Variants in TNFRSF21 observed in about 807,000 individuals in gnomAD.
TNFRSF21 encodes the protein tumor necrosis factor receptor superfamily member 21.
Under a neutral mutation model 45.6 loss-of-function variants are expected in TNFRSF21, and 19 were observed. That is an observed-to-expected ratio of 0.42 (90% CI 0.29 to 0.61). The LOEUF (loss-of-function observed/expected upper bound fraction) is 0.61. TNFRSF21 is among the 20% of genes least tolerant of loss of function. The pLI, the probability that TNFRSF21 is intolerant of heterozygous loss-of-function variation, is 0.23. For synonymous variants in TNFRSF21, 314 were observed against 335.5 expected (o/e 0.94, Z 0.70); for missense variants, 737 against 851.5 (o/e 0.87, Z 1.67).
At position 47,284,299 on chromosome 6, in the gene TNFRSF21, G is replaced by T. The variant is rs781226199; in HGVS notation, c.882C>A (p.Asn294Lys). Residue 294 changes from asparagine (N) to lysine (K), a missense_variant, in exon 3 of 6, where the codon AAC (asparagine) becomes AAA (lysine). Coordinates refer to ENST00000296861, the MANE Select transcript of TNFRSF21 (RefSeq NM_014452.5). ...GKEDVNKTLP[N>K]LQVVNHQQGP... ...CTTGCTGGTGGTTGACTACCTGAAG[G>T]TTTGGGAGGGTCTTGTTCACGTCTT... 1.9e-6 allele frequency: 3 copies of T among 1,608,610 alleles called. No homozygotes were observed. Among genetic ancestry groups the T allele is most frequent in the Non-Finnish European group, 2.5e-6 (3 of 1,177,558 alleles).
At chr6:47,258,226 G>A (rs993764670) in intron 3 of TNFRSF21, among the ~76,000 whole-genome samples, 3 of 151,698 alleles carry the variant, frequency 2.0e-5, no homozygotes, top group African/African-American at 4.8e-5. Context: ...AAAAATTAGC[G>A]AGGCGTGGTG....
At chr6:47,291,867 G>A (rs752323788) in intron 1 of TNFRSF21, among the ~76,000 whole-genome samples, 5 of 152,142 alleles carry the variant, frequency 3.3e-5, no homozygotes, top group East Asian at 1.9e-4. Context: ...GGCCTCTTTC[G>A]CCTGAGTGAA....
intron 4 of TNFRSF21, among the ~76,000 whole-genome samples, chr6:47,246,143 T>C (rs1044640051): frequency 6.6e-6 from 1 of 152,286 alleles, no homozygotes; most frequent in African/African-American, 2.4e-5. Flanking sequence ...CCACCTATAC[T>C]TCTCAGGACC....
intron 4 of TNFRSF21, among the ~76,000 whole-genome samples, chr6:47,239,394 G>GAC (rs1764714332): frequency 6.6e-6 from 1 of 151,436 alleles, no homozygotes; most frequent in Non-Finnish European, 1.5e-5. Context: ...TTCCTGAGAT[G>GAC]ACACACTGGT....
intron 4 of TNFRSF21, among the ~76,000 whole-genome samples, chr6:47,248,771 C>A (rs1274181661): frequency 1.3e-5 from 2 of 152,190 alleles, no homozygotes; most frequent in Non-Finnish European, 2.9e-5. Flanking sequence ...CACTAAGTGA[C>A]CCTCAGTATT....
chr6:47,239,060 C>G (rs545430794), intron 4 of TNFRSF21, among the ~76,000 whole-genome samples: 1 of 152,190 alleles, frequency 6.6e-6, no homozygotes, highest in East Asian at 1.9e-4. Flanking sequence ...GCCAAATGGG[C>G]AGATCACTGT....
At chr6:47,270,085 T>C (rs893508376) in intron 3 of TNFRSF21, among the ~76,000 whole-genome samples, 12 of 152,078 alleles carry the variant, frequency 7.9e-5, no homozygotes, top group African/African-American at 2.9e-4. Context: ...CTTAAGAAAG[T>C]TTTTACTGGG....
At chr6:47,288,240 A>G (rs1762675647) in intron 1 of TNFRSF21, among the ~76,000 whole-genome samples, 1 of 152,286 alleles carries the variant, frequency 6.6e-6, no homozygotes, top group Non-Finnish European at 1.5e-5. Flanking sequence ...AGCTCCACAT[A>G]GTAACATGGA....
At chr6:47,277,080 G>A (rs1414300554) in intron 3 of TNFRSF21, among the ~76,000 whole-genome samples, 1 of 152,140 alleles carries the variant, frequency 6.6e-6, no homozygotes, top group East Asian at 1.9e-4. Context: ...TGCAACCTCT[G>A]CCTCCTGAGT....
rs1374246628 is a variant in TNFRSF21 at position 47,253,516 on chromosome 6, C to T, written c.1249G>A (p.Asp417Asn). The T allele has an allele frequency of 3.7e-6, 6 of 1,611,356 alleles. No individual in the cohort carries two copies. The highest frequency in any genetic ancestry group is 1.6e-4 in the Middle Eastern group (1 of 6,082). ...TGGGCTGCTACAAGCTTCAGGATAT[C>T]GATACCTACACCAGAGAAAAAATAA... ...WIYYCNGHGIDILKLVAAQVG... is the reference protein window; with the variant it reads ...WIYYCNGHGINILKLVAAQVG... The change falls in exon 4 of 6, where the codon GAT (aspartate) becomes AAT (asparagine). Residue 417 changes from aspartate (D) to asparagine (N), a missense_variant. By Grantham distance (23) the Asp-to-Asn change is conservative. Transcript: ENST00000296861.
intron 4 of TNFRSF21, among the ~76,000 whole-genome samples, chr6:47,242,583 T>G (rs1764761208): frequency 6.6e-6 from 1 of 152,160 alleles, no homozygotes; most frequent in African/African-American, 2.4e-5. Flanking sequence ...TGCACAAAGC[T>G]GCCAAAGCTG....
chr6:47,306,946 G>GTTA (rs1561955158), intron 1 of TNFRSF21, among the ~76,000 whole-genome samples: 2 of 152,136 alleles, frequency 1.3e-5, no homozygotes, highest in Non-Finnish European at 2.9e-5. Flanking sequence ...CCTGATGTCC[G>GTTA]TTATGTTCAC....
At chr6:47,268,028 G>A (rs1389201305) in intron 3 of TNFRSF21, among the ~76,000 whole-genome samples, 1 of 152,186 alleles carries the variant, frequency 6.6e-6, no homozygotes, top group Non-Finnish European at 1.5e-5. Flanking sequence ...TAGGTTTCAA[G>A]CATCTGTCCA....
At chr6:47,250,230 G>T (rs552090585) in intron 4 of TNFRSF21, among the ~76,000 whole-genome samples, 1 of 152,304 alleles carries the variant, frequency 6.6e-6, no homozygotes, top group South Asian at 2.1e-4. Context: ...AAACTGGAAT[G>T]CTGTATTAGG....
chr6:47,273,184 T>C (rs1762451820), intron 3 of TNFRSF21, among the ~76,000 whole-genome samples: 1 of 152,208 alleles, frequency 6.6e-6, no homozygotes, highest in Non-Finnish European at 1.5e-5. Flanking sequence ...ATCATCTTGA[T>C]ACCAAGGCCT....
At position 47,306,827 on chromosome 6, in the gene TNFRSF21, T is replaced by C. The variant is rs28679603; in HGVS notation, c.96+2589A>G. On this transcript the variant is annotated intron_variant, in intron 1 of 5. Transcript: ENST00000296861. ...AGACATAATAAATAGAACATTTTAC[T>C]GGGATTATTACTTTTTAATCTAACT... Among the ~76,000 whole-genome samples the C allele has an allele frequency of 9.9e-3, 1,506 of 152,288 alleles. 8 individuals carry two copies. The highest frequency in any genetic ancestry group is 0.016 in the African/African-American group (669 of 41,544).
chr6:47,278,879 G>C (rs994159192), intron 3 of TNFRSF21, among the ~76,000 whole-genome samples: 9 of 152,182 alleles, frequency 5.9e-5, no homozygotes, highest in African/African-American at 2.2e-4. Flanking sequence ...ATGTGCCTCA[G>C]GTAACTACGT....
chr6:47,299,533 A>G (rs1038899783), intron 1 of TNFRSF21, among the ~76,000 whole-genome samples: 4 of 152,140 alleles, frequency 2.6e-5, no homozygotes, highest in African/African-American at 9.7e-5. Context: ...ATGTTATTAA[A>G]TATAATAATA....
chr6:47,285,928 C>T lies in TNFRSF21; in HGVS notation c.748+16G>A. The T allele has an allele frequency of 1.2e-6, 2 of 1,609,440 alleles. No individual in the cohort carries two copies. Among genetic ancestry groups the T allele is most frequent in the Non-Finnish European group, 1.7e-6 (2 of 1,176,794 alleles). ...CAAAGCCTTCCTCAAATAAATAATT[C>T]ATGAGGTTAAGTTACCTTTGGGAAC... On this transcript the variant is annotated intron_variant, in intron 2 of 5. Transcript: ENST00000296861.
Sources: allele counts gnomAD v4.1 joint callset (sites outside exome capture counted in the v4.1 genomes callset), GRCh38; gene constraint gnomAD v4.1.1; transcripts MANE v1.5; gene names NCBI Gene and HGNC (gene_info 2026-07-23, HGNC 2026-07-21).